Variants in PCDHGA10 observed in about 807,000 individuals in gnomAD.
The protein encoded by PCDHGA10 is protocadherin gamma subfamily A, 10, also known as protocadherin gamma-A10.
Under a neutral mutation model 59.5 loss-of-function variants are expected in PCDHGA10, and 42 were observed. That is an observed-to-expected ratio of 0.71 (90% CI 0.55 to 0.91). The LOEUF is 0.91. Ranked by LOEUF, PCDHGA10 falls within the 40% of genes least tolerant of loss-of-function variation. PCDHGA10 has a pLI of 0.00. For missense variants in PCDHGA10, 1,111 were observed against 1,198.2 expected, an observed-to-expected ratio of 0.93 and a Z score of 1.07; for synonymous variants, 511 against 517.2, an observed-to-expected ratio of 0.99 and a Z score of 0.16.
At chr5:141,478,442 C>T in intron 1 of PCDHGA10, 1 of 1,613,608 alleles carries the variant, frequency 6.2e-7, no homozygotes, top group Non-Finnish European at 8.5e-7. Flanking sequence ...GCTGAAGAAA[C>T]CTGGTGCAGC....
intron 1 of PCDHGA10, among the ~76,000 whole-genome samples, chr5:141,463,438 CTTTTTTTTTTTTTTTT>C (rs71576115): frequency 1.9e-5 from 2 of 103,256 alleles, no homozygotes; most frequent in African/African-American, 4.5e-5. Context: ...TTTCCTTCTC[CTTTTTTTTTTTTTTTT>C]TTTTTTTTTT....
intron 1 of PCDHGA10, chr5:141,427,965 C>T: frequency 6.3e-7 from 1 of 1,590,342 alleles, no homozygotes; most frequent in Non-Finnish European, 8.6e-7. Flanking sequence ...GCCGCGGGTG[C>T]TGTACCCCGC....
At chr5:141,422,696 ACT>A in intron 1 of PCDHGA10, 1 of 1,602,756 alleles carries the variant, frequency 6.2e-7, no homozygotes, top group Non-Finnish European at 8.5e-7. Flanking sequence ...CTGGTCACTT[ACT>A]CTCTGACGGA....
intron 1 of PCDHGA10, among the ~76,000 whole-genome samples, chr5:141,494,547 C>T (rs2099755185): frequency 6.6e-6 from 1 of 152,106 alleles, no homozygotes; most frequent in East Asian, 1.9e-4. Context: ...GAGGAAGGGG[C>T]CATTTCTTTA....
intron 1 of PCDHGA10, among the ~76,000 whole-genome samples, chr5:141,457,745 G>T (rs1039982528): frequency 6.6e-6 from 1 of 152,232 alleles, no homozygotes; most frequent in Non-Finnish European, 1.5e-5. Flanking sequence ...TTTTAAAGCT[G>T]AGCCCAGACA....
chr5:141,502,866 C>CTT (rs549047197), intron 2 of PCDHGA10, among the ~76,000 whole-genome samples: 3 of 128,046 alleles, frequency 2.3e-5, no homozygotes, highest in Non-Finnish European at 3.2e-5. Flanking sequence ...GACTCTCTGT[C>CTT]TTTTTTTTTT....
chr5:141,462,486 G>A (rs62379193), intron 1 of PCDHGA10, among the ~76,000 whole-genome samples: 5,124 of 152,042 alleles, frequency 0.034, 100 homozygotes, highest in Middle Eastern at 0.088. Flanking sequence ...CGTGGTTGTT[G>A]TATCCTATAA....
At chr5:141,419,306 C>T in intron 1 of PCDHGA10, 1 of 1,614,032 alleles carries the variant, frequency 6.2e-7, no homozygotes, top group Non-Finnish European at 8.5e-7. Context: ...AGACTTCGGG[C>T]TCAACGGCCG....
Position 141,477,553 on chromosome 5 carries a change from A to G in PCDHGA10, c.2437-17254A>G. ...TCCCCGGGGCTCCAATACTAAACCTAAGTGTCTGGGACCCCGACGCCCCGC... is the reference window on the plus strand; with the variant it reads ...TCCCCGGGGCTCCAATACTAAACCTGAGTGTCTGGGACCCCGACGCCCCGC... On this transcript the variant is annotated intron_variant, in intron 1 of 3. Transcript: ENST00000398610. This position sits in a 1 kb window ranked among gnomAD's most constrained non-coding sequence, Gnocchi z 4.9. 5 of 1,614,090 alleles carry G rather than the reference A, an allele frequency of 3.1e-6. No individual in the cohort carries two copies. The highest frequency in any genetic ancestry group is 4.2e-6 in the Non-Finnish European group (5 of 1,180,020).
In PCDHGA10 at chr5:141,448,129, C is replaced by A. The variant is rs116387986; in HGVS notation, c.2436+32518C>A. On this transcript the variant is annotated intron_variant, in intron 1 of 3. Coordinates refer to ENST00000398610, the MANE Select transcript of PCDHGA10 (RefSeq NM_018913.3). Reference sequence around the variant, plus strand: ...AGAAAAGAAAATTAGCCTCCCCCACCCTCACTATACCTCAGACTCACCCCT... The same window carrying A: ...AGAAAAGAAAATTAGCCTCCCCCACACTCACTATACCTCAGACTCACCCCT... 4.4e-3 allele frequency among the ~76,000 whole-genome samples: 671 copies of A among 152,002 alleles called. 4 individuals carry two copies. Among genetic ancestry groups the A allele is most frequent in the African/African-American group, 0.015 (612 of 41,466 alleles).
chr5:141,492,023 C>A, intron 1 of PCDHGA10: 1 of 564,804 alleles, frequency 1.8e-6, no homozygotes, highest in Non-Finnish European at 3.0e-6. Context: ...TCGGGGGTCC[C>A]GGGAGGAGGC....
chr5:141,444,551 G>A (rs758187608), intron 1 of PCDHGA10, among the ~76,000 whole-genome samples: 1 of 152,022 alleles, frequency 6.6e-6, no homozygotes, highest in Non-Finnish European at 1.5e-5. Context: ...TGAGCAAAAG[G>A]CACTTATTTG....
At chr5:141,506,213 A>G (rs2154593866) in intron 3 of PCDHGA10, among the ~76,000 whole-genome samples, 1 of 152,204 alleles carries the variant, frequency 6.6e-6, no homozygotes, top group South Asian at 2.1e-4. Flanking sequence ...CACTTTGGGA[A>G]GCTGAGGCAG....
At chr5:141,495,446 C>A (rs1165861519) in intron 2 of PCDHGA10, among the ~76,000 whole-genome samples, 1 of 152,220 alleles carries the variant, frequency 6.6e-6, no homozygotes, top group African/African-American at 2.4e-5. Flanking sequence ...CCCTACTTGT[C>A]CTGCTCTCTG....
chr5:141,448,983 T>G (rs1157371020), intron 1 of PCDHGA10, among the ~76,000 whole-genome samples: 1 of 152,004 alleles, frequency 6.6e-6, no homozygotes, highest in East Asian at 1.9e-4. Flanking sequence ...ACTTCCATAT[T>G]AATATATAGA....
Position 141,486,677 on chromosome 5 carries a change from G to A in PCDHGA10, c.2437-8130G>A, listed in dbSNP as rs755512470. ...ACTCCTGGAGCCCAGGAATCGAGATGTATCAGCTTCCTCTTTCATCTCTCT... is the reference window on the plus strand; with the variant it reads ...ACTCCTGGAGCCCAGGAATCGAGATATATCAGCTTCCTCTTTCATCTCTCT... On this transcript the variant is annotated intron_variant, in intron 1 of 3. Transcript: ENST00000398610. This position sits in a 1 kb window ranked among gnomAD's most constrained non-coding sequence, Gnocchi z 5.0. The A allele has an allele frequency of 3.7e-6, 6 of 1,614,060 alleles. No individual in the cohort carries two copies. Among genetic ancestry groups the A allele is most frequent in the Middle Eastern group, 1.6e-4 (1 of 6,062 alleles).
Position 141,485,979 on chromosome 5 carries a change from C to T in PCDHGA10, c.2437-8828C>T. ...CTCATCCAGCTCAATGCCTCAGACC[C>T]GGACCTGGGTCCCAGTGGTAACGTC... is the stretch of plus-strand genomic sequence containing the variant. On this transcript the variant is annotated intron_variant, in intron 1 of 3. Coordinates refer to ENST00000398610, the MANE Select transcript of PCDHGA10 (RefSeq NM_018913.3). The surrounding 1 kb of genome is among the most constrained non-coding windows in gnomAD (Gnocchi z 5.7). The T allele has an allele frequency of 1.2e-6, 2 of 1,614,182 alleles. No individual in the cohort carries two copies. The highest frequency in any genetic ancestry group is 1.7e-6 in the Non-Finnish European group (2 of 1,180,022).
rs2099427641 is a variant in PCDHGA10, at chr5:141,477,974, G to T, written c.2437-16833G>T. The T allele has an allele frequency of 1.2e-6, 2 of 1,614,034 alleles. No homozygotes were observed. The highest frequency in any genetic ancestry group is 1.6e-4 in the Middle Eastern group (1 of 6,062). On this transcript the variant is annotated intron_variant, in intron 1 of 3. Transcript: ENST00000398610. This position sits in a 1 kb window ranked among gnomAD's most constrained non-coding sequence, Gnocchi z 4.9. ...GGGATCCCCTAACCAGAGCCTTTTT[G>T]CCATAGGGCTGCACACTGGTCAAAT...
rs561824381 is a variant in PCDHGA10 at position 141,449,084 on chromosome 5, C to T, written c.2436+33473C>T. Among the ~76,000 whole-genome samples, 8 of 152,250 alleles carry T rather than the reference C, an allele frequency of 5.3e-5. No individual in the cohort carries two copies. In the East Asian group the frequency reaches 1.4e-3, roughly 26 times the overall value. The stretch of plus-strand genomic sequence containing the variant: ...CTATTGAATAGCCCTGTACCTACAT[C>T]AGTTTTTACATATGCAGTATATCTT... On this transcript the variant is annotated intron_variant, in intron 1 of 3. Transcript: ENST00000398610.
Sources: allele counts gnomAD v4.1 joint callset (sites outside exome capture counted in the v4.1 genomes callset), GRCh38; gene constraint gnomAD v4.1.1; non-coding constraint Gnocchi (gnomAD v3.1); transcripts MANE v1.5; gene names NCBI Gene and HGNC (gene_info 2026-07-23, HGNC 2026-07-21).